Variants in PNPT1 observed in about 807,000 individuals in gnomAD.
PNPT1 encodes the protein polyribonucleotide nucleotidyltransferase 1, mitochondrial.
Under a neutral mutation model 119.5 loss-of-function variants are expected in PNPT1, and 53 were observed. That is an observed-to-expected ratio of 0.44 (90% CI 0.36 to 0.56). The LOEUF is 0.56. Ranked by LOEUF, PNPT1 falls within the 20% of genes least tolerant of loss-of-function variation. The pLI is 0.00. For synonymous variants in PNPT1, 357 were observed against 322.1 expected (o/e 1.11, Z -1.16); for missense variants, 948 against 938.5 (o/e 1.01, Z -0.13).
chr2:55,651,072 G>C (rs1482635272), intron 18 of PNPT1, among the ~76,000 whole-genome samples: 23 of 145,136 alleles, frequency 1.6e-4, no homozygotes, highest in Admixed American at 1.6e-3. Context: ...GGAGGGAGGT[G>C]GGGGGGTCAG....
At chr2:55,661,286 T>C (rs1352753043) in intron 14 of PNPT1, among the ~76,000 whole-genome samples, 3 of 151,672 alleles carry the variant, frequency 2.0e-5, no homozygotes, top group Non-Finnish European at 4.4e-5. Flanking sequence ...AGGGACGGAA[T>C]TTCACCGTTT....
intron 13 of PNPT1, among the ~76,000 whole-genome samples, chr2:55,662,880 A>AT (rs35015796): frequency 0.02 from 2,776 of 140,524 alleles, 47 homozygotes; most frequent in Middle Eastern, 0.052. Flanking sequence ...CAGACAAAAG[A>AT]TTTTTTTTTT....
chr2:55,687,699 T>C lies in PNPT1; in HGVS notation c.168A>G (p.Leu56=), dbSNP rs1484192390. The change falls in exon 2 of 28, where the codon TTA becomes TTG. Residue 56 remains leucine (L), a synonymous_variant. Coordinates refer to ENST00000447944, the MANE Select transcript of PNPT1 (RefSeq NM_033109.5). The part of the protein sequence containing the change: ...AVAVDLGNRK[L]EISSGKLARF... ...TGGCCAGCTTTCCAGAAGATATTTC[T>C]AATTTCCTGTTTAAAAATAAAAATG... 2 of 1,603,008 alleles carry C rather than the reference T, an allele frequency of 1.2e-6. No individual in the cohort carries two copies. Among genetic ancestry groups the C allele is most frequent in the Non-Finnish European group, 1.7e-6 (2 of 1,175,476 alleles).
intron 12 of PNPT1, among the ~76,000 whole-genome samples, chr2:55,667,525 C>T (rs1394979977): frequency 2.6e-5 from 4 of 151,236 alleles, no homozygotes; most frequent in Admixed American, 6.6e-5. Flanking sequence ...ACCCGGAAGG[C>T]GGAGCTTGCA....
chr2:55,691,878 A>ATATATATATTTTTTTTT (rs1326804958), intron 1 of PNPT1, among the ~76,000 whole-genome samples: 44 of 32,944 alleles, frequency 1.3e-3, no homozygotes, highest in Non-Finnish European at 2.2e-3. Flanking sequence ...ATATATATAT[A>ATATATATATTTTTTTTT]TTTTTTTTTT....
chr2:55,657,332 G>GA (rs534097775), intron 15 of PNPT1, among the ~76,000 whole-genome samples: 216 of 146,772 alleles, frequency 1.5e-3, no homozygotes, highest in Non-Finnish European at 2.6e-3. Context: ...TTTTAAAACA[G>GA]AAAAAAAAAA....
At chr2:55,636,476 C>T in intron 27 of PNPT1, 84 bp from the exon 28 acceptor site, 2 of 1,382,698 alleles carry the variant, frequency 1.4e-6, no homozygotes, top group Non-Finnish European at 2.0e-6. Context: ...TTTACATGGT[C>T]CAAATAAGGC....
chr2:55,647,099 C>T (rs2104037044), intron 19 of PNPT1, among the ~76,000 whole-genome samples: 1 of 152,178 alleles, frequency 6.6e-6, no homozygotes. Context: ...AGGCATGAGT[C>T]ACTGTGCCTG....
chr2:55,685,970 G>A (rs1697394006), intron 3 of PNPT1, among the ~76,000 whole-genome samples: 1 of 152,190 alleles, frequency 6.6e-6, no homozygotes, highest in Non-Finnish European at 1.5e-5. Flanking sequence ...ATTCAGTACA[G>A]ATGCAATTTT....
chr2:55,692,043 G>A (rs528805745), intron 1 of PNPT1, among the ~76,000 whole-genome samples: 20 of 151,300 alleles, frequency 1.3e-4, no homozygotes, highest in South Asian at 2.1e-4. Context: ...TTGCCACCAC[G>A]CCCAGCTAAT....
intron 19 of PNPT1, among the ~76,000 whole-genome samples, 188 bp from the exon 20 acceptor site, chr2:55,646,674 G>C (rs1294628640): frequency 6.6e-6 from 1 of 152,082 alleles, no homozygotes; most frequent in East Asian, 1.9e-4. Flanking sequence ...ATTTTCACCA[G>C]AAACATCATT....
intron 13 of PNPT1, among the ~76,000 whole-genome samples, chr2:55,664,021 G>A (rs1197903779): frequency 6.6e-6 from 1 of 152,092 alleles, no homozygotes; most frequent in East Asian, 1.9e-4. Flanking sequence ...GATATTAAAG[G>A]AAGTCTTGTC....
At position 55,635,555 on chromosome 2, in the gene PNPT1, CG is replaced by C. The variant is rs1695645309; in HGVS notation, c.*681del. On this transcript the variant is annotated 3_prime_UTR_variant, in exon 28 of 28. Coordinates refer to ENST00000447944, the MANE Select transcript of PNPT1 (RefSeq NM_033109.5). The stretch of plus-strand genomic sequence containing the variant: ...GTCTCGATCTCCTGATCTCATGATC[CG>C]CCTGCCTTAGCCAATAATCTTTCTG... 1 of 152,084 alleles carries C rather than the reference CG, an allele frequency of 6.6e-6. No homozygotes were observed. Among genetic ancestry groups the C allele is most frequent in the Admixed American group, 6.6e-5 (1 of 15,252 alleles). The allele number at this position is 152,084 out of a possible 1,614,324, so 9.4% of individuals were successfully genotyped here. A position where few individuals can be genotyped will look rare whatever the true frequency, so the allele number is the denominator to read the frequency against.
intron 1 of PNPT1, among the ~76,000 whole-genome samples, chr2:55,690,307 G>A (rs1251289877): frequency 2.0e-5 from 3 of 151,304 alleles, no homozygotes; most frequent in Non-Finnish European, 4.4e-5. Context: ...TTCATCAAAA[G>A]GTGTTTTGAG....
chr2:55,643,300 T>A lies in PNPT1; in HGVS notation c.2013+19A>T. On this transcript the variant is annotated intron_variant, in intron 24 of 27. Coordinates refer to ENST00000447944, the MANE Select transcript of PNPT1 (RefSeq NM_033109.5). ...CAAATATAGCTATATGATACGTAATTAATATGATCTATACTTACATCATCC... is the reference window on the plus strand; with the variant it reads ...CAAATATAGCTATATGATACGTAATAAATATGATCTATACTTACATCATCC... 1 of 1,611,776 alleles carries A rather than the reference T, an allele frequency of 6.2e-7. No individual in the cohort carries two copies. The highest frequency in any genetic ancestry group is 8.5e-7 in the Non-Finnish European group (1 of 1,177,890).
At chr2:55,692,372 G>T (rs933651552) in intron 1 of PNPT1, among the ~76,000 whole-genome samples, 3 of 152,134 alleles carry the variant, frequency 2.0e-5, no homozygotes, top group Non-Finnish European at 4.4e-5. Context: ...ATCAAAGTTA[G>T]AGTGCGAGAC....
chr2:55,645,477 T>C (rs1468362616), intron 21 of PNPT1, 45 bp from the exon 22 acceptor site: 2 of 1,251,752 alleles, frequency 1.6e-6, no homozygotes, highest in South Asian at 2.4e-5. Context: ...AAAACAAATA[T>C]GATCTGAAAT....
rs72807618 is a variant in PNPT1, at chr2:55,679,321, A to G, written c.679+361T>C. ...TAATAAAATGGTTACTACCAGACTTAGAACTTCTATTTTTAAAATAAGTTA... is the reference window on the plus strand; with the variant it reads ...TAATAAAATGGTTACTACCAGACTTGGAACTTCTATTTTTAAAATAAGTTA... On this transcript the variant is annotated intron_variant, in intron 8 of 27. Coordinates refer to ENST00000447944, the MANE Select transcript of PNPT1 (RefSeq NM_033109.5). Among the ~76,000 whole-genome samples, 652 of 152,326 alleles carry G rather than the reference A, an allele frequency of 4.3e-3. 2 individuals carry two copies. Among genetic ancestry groups the G allele is most frequent in the Non-Finnish European group, 6.5e-3 (442 of 68,032 alleles).
At chr2:55,640,495 C>A in intron 26 of PNPT1, 132 bp downstream of exon 26, 2 of 791,426 alleles carry the variant, frequency 2.5e-6, no homozygotes, top group Non-Finnish European at 4.0e-6. Context: ...TTGCCAGCAG[C>A]ATCTCTGCCA....
Sources: gnomAD v4.1 joint callset for allele counts (sites outside exome capture counted in the v4.1 genomes callset) on GRCh38, gnomAD v4.1.1 for gene constraint, MANE v1.5 for transcripts, NCBI Gene and HGNC (gene_info 2026-07-23, HGNC 2026-07-21) for gene names.